The following C1orf87 variants were observed in gnomAD, a reference collection of about 807,000 sequenced individuals.
The protein encoded by C1orf87 is chromosome 1 open reading frame 87.
C1orf87 carries 58 observed loss-of-function variants against 60.5 expected under a neutral mutation model. That is an observed-to-expected ratio of 0.96 (90% confidence interval 0.78 to 1.19). The LOEUF (loss-of-function observed/expected upper bound fraction) is 1.19. Among genes scored for constraint, C1orf87 ranks in the 50% most tolerant of loss-of-function variants. The probability of loss-of-function intolerance (pLI) is 0.00; values close to 1 mark genes in which losing one functional copy is unlikely to be tolerated. For missense variants in C1orf87, 673 were observed against 638.6 expected (o/e 1.05, Z -0.58); for synonymous variants, 236 against 227.4 (o/e 1.04, Z -0.34).
chr1:60,007,277 A>G (rs928372913), intron 9 of C1orf87, among the ~76,000 whole-genome samples: 5 of 152,048 alleles, frequency 3.3e-5, no homozygotes, highest in African/African-American at 4.8e-5. Flanking sequence ...GATATTTTCT[A>G]TTGAACTATA....
intron 7 of C1orf87, among the ~76,000 whole-genome samples, chr1:60,029,882 G>A (rs61138322): frequency 0.069 from 10,528 of 151,562 alleles, 417 homozygotes; most frequent in African/African-American, 0.095. Flanking sequence ...CTTGTGATCC[G>A]CCCACCTTAG....
At chr1:60,027,719 G>T (rs1402541609) in intron 7 of C1orf87, among the ~76,000 whole-genome samples, 1 of 151,102 alleles carries the variant, frequency 6.6e-6, no homozygotes, top group African/African-American at 2.4e-5. Flanking sequence ...CTTAAAAGAG[G>T]GGAAAAAAAA....
chr1:59,997,597 T>C lies in C1orf87; in HGVS notation c.1480+12A>G, dbSNP rs1451522516. The C allele has an allele frequency of 1.2e-6, 2 of 1,613,062 alleles. No homozygotes were observed. Among genetic ancestry groups the C allele is most frequent in the Admixed American group, 3.3e-5 (2 of 59,938 alleles). ...ATAGAAACCTATGCCAGCTTTACAA[T>C]TCATACTTCACCTGTGTTACTCAGA... On this transcript the variant is annotated intron_variant, in intron 11 of 11. Coordinates refer to ENST00000371201, the MANE Select transcript of C1orf87 (RefSeq NM_152377.3).
At chr1:60,036,166 C>CT (rs1460870272) in intron 6 of C1orf87, among the ~76,000 whole-genome samples, 1 of 152,100 alleles carries the variant, frequency 6.6e-6, no homozygotes, top group East Asian at 1.9e-4. Flanking sequence ...GTATTGTTTT[C>CT]TTTGGACCAT....
rs192157522 is a variant in C1orf87, at chr1:60,040,861, G to A, written c.483+130C>T. The A allele has an allele frequency of 1.1e-4, 105 of 973,860 alleles. No homozygotes were observed. The African/African-American group carries it at 1.6e-3, about 15-fold the overall frequency. The allele number at this position is 973,860 out of a possible 1,614,324, so 60.3% of individuals were successfully genotyped here. A position where few individuals can be genotyped will look rare whatever the true frequency, so the allele number is the denominator to read the frequency against. ...TCCCAGCTTGGCTTCTCAAAGTGCT[G>A]GCATTACAGGTGTAAGCCACTATGA... On this transcript the variant is annotated intron_variant, in intron 4 of 11. Transcript: ENST00000371201.
chr1:60,066,285 G>T (rs906474135), intron 2 of C1orf87, among the ~76,000 whole-genome samples: 1 of 152,120 alleles, frequency 6.6e-6, no homozygotes, highest in African/African-American at 2.4e-5. Flanking sequence ...TACCCACAGG[G>T]AAACTTCTTT....
At chr1:60,072,389 T>C (rs973296083) in intron 2 of C1orf87, 148 bp downstream of exon 2, 1 of 576,354 alleles carries the variant, frequency 1.7e-6, no homozygotes, top group African/African-American at 1.9e-5. Context: ...ATGGAAGTTA[T>C]CAACACGATT....
chr1:60,042,945 G>A (rs771245815), intron 3 of C1orf87, among the ~76,000 whole-genome samples: 4 of 152,272 alleles, frequency 2.6e-5, no homozygotes, highest in East Asian at 3.9e-4. Context: ...TTGGTGGTCC[G>A]GGTCTGAAGG....
At position 60,001,247 on chromosome 1, in the gene C1orf87, AAC is replaced by A. The variant is rs753759866; in HGVS notation, c.1193-93_1193-92del. 7,893 of 894,298 alleles carry A rather than the reference AAC, an allele frequency of 8.8e-3. 77 individuals carry two copies. The highest frequency in any genetic ancestry group is 9.5e-3 in the Non-Finnish European group (5,949 of 627,992). The allele number at this position is 894,298 out of a possible 1,614,324, so 55.4% of individuals were successfully genotyped here. ...TACACAAGGCAACAACAACAGCAACAACAAAAAAATGGAGGCTTTGCTCTGTG... is the reference window on the plus strand; with the variant it reads ...TACACAAGGCAACAACAACAGCAACAAAAAAAATGGAGGCTTTGCTCTGTG... On this transcript the variant is annotated intron_variant, in intron 9 of 11. Coordinates refer to ENST00000371201, the MANE Select transcript of C1orf87 (RefSeq NM_152377.3).
At chr1:59,995,494 C>T (rs1300467643) in intron 11 of C1orf87, among the ~76,000 whole-genome samples, 1 of 152,194 alleles carries the variant, frequency 6.6e-6, no homozygotes, top group Non-Finnish European at 1.5e-5. Context: ...CAACATCCAC[C>T]TCCAGCAGTC....
chr1:59,999,860 G>T (rs545562559), intron 10 of C1orf87, among the ~76,000 whole-genome samples: 1 of 152,110 alleles, frequency 6.6e-6, no homozygotes, highest in African/African-American at 2.4e-5. Flanking sequence ...AACCCTTCTT[G>T]CCATATATGC....
At chr1:60,065,951 G>A (rs1446967259) in intron 2 of C1orf87, among the ~76,000 whole-genome samples, 3 of 152,084 alleles carry the variant, frequency 2.0e-5, no homozygotes, top group Non-Finnish European at 4.4e-5. Flanking sequence ...GTTTCATGGT[G>A]CACATAAAAG....
intron 2 of C1orf87, among the ~76,000 whole-genome samples, chr1:60,067,981 T>A (rs1215444369): frequency 6.6e-6 from 1 of 152,154 alleles, no homozygotes; most frequent in East Asian, 1.9e-4. Context: ...AAATAGGAAA[T>A]CTTTTCCTCA....
intron 2 of C1orf87, among the ~76,000 whole-genome samples, chr1:60,066,359 C>T (rs1346989807): frequency 2.0e-5 from 3 of 152,174 alleles, no homozygotes; most frequent in Non-Finnish European, 4.4e-5. Context: ...ATATGATATT[C>T]TAAATCCTTT....
chr1:60,063,087 A>T (rs1010460396), intron 2 of C1orf87, among the ~76,000 whole-genome samples: 9 of 152,194 alleles, frequency 5.9e-5, no homozygotes, highest in Non-Finnish European at 1.3e-4. Context: ...TGATTTTAGC[A>T]TACTACTTTA....
At chr1:60,011,439 C>G (rs369101018) in intron 8 of C1orf87, among the ~76,000 whole-genome samples, 1 of 151,462 alleles carries the variant, frequency 6.6e-6, no homozygotes, top group African/African-American at 2.4e-5. Context: ...CTCCCTTCTT[C>G]CCTCCCTCAC....
At chr1:60,054,986 G>A (rs1272228652) in intron 3 of C1orf87, among the ~76,000 whole-genome samples, 1 of 152,026 alleles carries the variant, frequency 6.6e-6, no homozygotes, top group African/African-American at 2.4e-5. Flanking sequence ...CAACTTCTTT[G>A]GTGATCATGA....
chr1:60,063,583 C>T (rs1025632286), intron 2 of C1orf87, among the ~76,000 whole-genome samples: 1 of 152,050 alleles, frequency 6.6e-6, no homozygotes, highest in Non-Finnish European at 1.5e-5. Context: ...CATTCCCCAC[C>T]GTGCTCCACA....
chr1:59,992,080 A>G (rs943968521), intron 11 of C1orf87, among the ~76,000 whole-genome samples: 6 of 151,570 alleles, frequency 4.0e-5, no homozygotes, highest in African/African-American at 9.8e-5. Context: ...CATTTCACCA[A>G]TATTAACTAA....
Sources: gnomAD v4.1 joint callset for allele counts (sites outside exome capture counted in the v4.1 genomes callset) on GRCh38, gnomAD v4.1.1 for gene constraint, MANE v1.5 for transcripts, NCBI Gene and HGNC (gene_info 2026-07-23, HGNC 2026-07-21) for gene names.